FAF2: variants seen among roughly 807,000 people sequenced by gnomAD.
FAF2 encodes Fas associated factor family member 2, also known as FAS-associated factor 2.
A neutral mutation model predicts 62.3 loss-of-function variants in FAF2; 9 were observed. The observed-to-expected ratio is 0.14, with a 90% CI of 0.09 to 0.25. The LOEUF (loss-of-function observed/expected upper bound fraction) is 0.25, where lower values mean the gene tolerates loss of function less well. FAF2 is among the 10% of genes least tolerant of loss of function. The probability of loss-of-function intolerance (pLI) is 1.00; values close to 1 mark genes in which losing one functional copy is unlikely to be tolerated. For missense variants in FAF2, 368 were observed against 556.2 expected, an observed-to-expected ratio of 0.66 and a Z score of 3.40; for synonymous variants, 202 against 198.0, an observed-to-expected ratio of 1.02 and a Z score of -0.17.
chr5:176,498,966 C>G lies in FAF2; in HGVS notation c.892C>G (p.Leu298Val), dbSNP rs754481168. The part of the protein sequence containing the change: ...VLRQQQDEAY[L>V]ASLRADQEKE... ...GAGACAACAGCAGGATGAGGCCTAC[C>G]TGGCCTCTCTCAGAGCTGACCAGGA... The change falls in exon 9 of 11, where the codon CTG becomes GTG. Residue 298 changes from leucine (L) to valine (V), a missense_variant. This residue lies in a region of FAF2 where 331 missense variants were observed against 441.9 expected (regional missense o/e 0.75). Coordinates refer to ENST00000261942, the MANE Select transcript of FAF2 (RefSeq NM_014613.3). 6.2e-7 allele frequency: 1 copy of G among 1,612,842 alleles called. No individual in the cohort carries two copies. The highest frequency in any genetic ancestry group is 1.7e-5 in the Admixed American group (1 of 59,962).
intron 1 of FAF2, among the ~76,000 whole-genome samples, chr5:176,471,684 CT>C (rs70991555): frequency 0.7 from 86,170 of 122,470 alleles, 29,740 homozygotes; most frequent in Middle Eastern, 0.74. Flanking sequence ...CGCCCGGCCT[CT>C]TTTTTTTTTT....
rs564409908 is a variant in FAF2 at position 176,453,917 on chromosome 5, G to A, written c.63+5447G>A. On this transcript the variant is annotated intron_variant, in intron 1 of 10. Coordinates refer to ENST00000261942, the MANE Select transcript of FAF2 (RefSeq NM_014613.3). Reference sequence around the variant, plus strand: ...AAAAATACAAAAAAATTAGCTGGGCGTCGTGTCAGGTGCCCATAATCCCAG... The same window carrying A: ...AAAAATACAAAAAAATTAGCTGGGCATCGTGTCAGGTGCCCATAATCCCAG... 3.2e-4 allele frequency among the ~76,000 whole-genome samples: 48 copies of A among 151,056 alleles called. 2 individuals are homozygous for A. The highest frequency in any genetic ancestry group is 1.0e-3 in the South Asian group (5 of 4,780).
chr5:176,487,060 G>A (rs1478752698), intron 3 of FAF2, among the ~76,000 whole-genome samples: 2 of 152,002 alleles, frequency 1.3e-5, no homozygotes, highest in African/African-American at 4.8e-5. Flanking sequence ...CTTACCCCTG[G>A]GGTTATACTC....
intron 1 of FAF2, among the ~76,000 whole-genome samples, chr5:176,478,411 T>C (rs1758737747): frequency 6.6e-6 from 1 of 151,890 alleles, no homozygotes; most frequent in African/African-American, 2.4e-5. Context: ...TCTGGGAAGT[T>C]GAGACTGCAG....
chr5:176,455,315 C>T (rs1758261955), intron 1 of FAF2, among the ~76,000 whole-genome samples: 1 of 151,856 alleles, frequency 6.6e-6, no homozygotes, highest in African/African-American at 2.4e-5. Context: ...GTGGCGCATG[C>T]CTGTGGGCCT....
At chr5:176,474,121 A>C (rs1250463198) in intron 1 of FAF2, among the ~76,000 whole-genome samples, 1 of 152,202 alleles carries the variant, frequency 6.6e-6, no homozygotes, top group Non-Finnish European at 1.5e-5. Flanking sequence ...TATGTATACT[A>C]AACTAAGTTT....
Position 176,496,765 on chromosome 5 carries a change from C to T in FAF2, c.839+102C>T, listed in dbSNP as rs1004664729. On this transcript the variant is annotated intron_variant, in intron 8 of 10. Transcript: ENST00000261942. The stretch of plus-strand genomic sequence containing the variant: ...TCCTGACTTCTTCTGTGCATCAGGC[C>T]GCTATTAGCTTTTAGCTTTGCCCAT... The T allele has an allele frequency of 4.6e-5, 40 of 870,746 alleles. 1 individual carries two copies. The highest frequency in any genetic ancestry group is 4.0e-4 in the East Asian group (14 of 34,632). The allele number at this position is 870,746 out of a possible 1,614,324, so 53.9% of individuals were successfully genotyped here. A position where few individuals can be genotyped will look rare whatever the true frequency, so the allele number is the denominator to read the frequency against.
In FAF2 at chr5:176,448,426, C is replaced by G; in HGVS notation, c.19C>G (p.Arg7Gly). 1.2e-6 allele frequency: 2 copies of G among 1,607,268 alleles called. No individual in the cohort carries two copies. The highest frequency in any genetic ancestry group is 1.1e-5 in the South Asian group (1 of 90,012). Reference protein sequence around the residue: MAAPEERDLTQEQTEKL... With the variant: MAAPEEGDLTQEQTEKL... The stretch of plus-strand genomic sequence containing the variant: ...CGGCAAAATGGCGGCGCCTGAGGAG[C>G]GGGATCTAACCCAGGAGCAGACAGA... The change falls in exon 1 of 11, where the codon CGG (arginine) becomes GGG (glycine). Residue 7 changes from arginine (R) to glycine (G), a missense_variant. By Grantham distance (125) the Arg-to-Gly change is moderately radical (BLOSUM62 -2). Coordinates refer to ENST00000261942, the MANE Select transcript of FAF2 (RefSeq NM_014613.3).
intron 10 of FAF2, among the ~76,000 whole-genome samples, chr5:176,503,009 T>C (rs1445768039): frequency 2.6e-5 from 4 of 151,526 alleles, no homozygotes; most frequent in African/African-American, 7.3e-5. Context: ...GACTGCGCCA[T>C]TGCACTCCAG....
In FAF2 at chr5:176,506,690, TG is replaced by T. The variant is rs1561830561; in HGVS notation, c.1156-77del. 8.3e-4 allele frequency: 961 copies of T among 1,155,136 alleles called. 13 individuals carry two copies. The East Asian group carries it at 0.022, about 26-fold the overall frequency. 71.6% of individuals were successfully genotyped at this position (1,155,136 alleles called of 1,614,324 possible). ...GTTGGGGTATATTTGACTTCAGAGT[TG>T]TGTGTGCGTGTGTGCGTGTGTGTGT... On this transcript the variant is annotated intron_variant, in intron 10 of 10. Coordinates refer to ENST00000261942, the MANE Select transcript of FAF2 (RefSeq NM_014613.3).
intron 1 of FAF2, among the ~76,000 whole-genome samples, chr5:176,454,710 T>G (rs1255446847): frequency 6.6e-6 from 1 of 152,232 alleles, no homozygotes; most frequent in Non-Finnish European, 1.5e-5. Context: ...CCAGGTTTGT[T>G]GTTTATCTTT....
chr5:176,505,814 A>G (rs1292023062), intron 10 of FAF2, among the ~76,000 whole-genome samples: 3 of 152,192 alleles, frequency 2.0e-5, no homozygotes, highest in African/African-American at 4.8e-5. Flanking sequence ...ATGGCTGAGA[A>G]GTATTCCATC....
intron 10 of FAF2, among the ~76,000 whole-genome samples, chr5:176,503,487 G>A (rs2913902): frequency 0.5 from 75,055 of 151,258 alleles, 18,696 homozygotes; most frequent in Non-Finnish European, 0.52. Flanking sequence ...CCTGGGAGGC[G>A]GAGGTTGCAG....
chr5:176,496,929 A>C (rs190958416), intron 8 of FAF2: 1 of 233,352 alleles, frequency 4.3e-6, no homozygotes, highest in African/African-American at 2.2e-5. Context: ...AGGCTGAGGC[A>C]GGAGGATTAC....
chr5:176,452,693 T>C (rs377197974), intron 1 of FAF2, among the ~76,000 whole-genome samples: 9 of 152,330 alleles, frequency 5.9e-5, no homozygotes, highest in African/African-American at 2.2e-4. Context: ...GGTGATGAAC[T>C]GAAGAGTATT....
chr5:176,496,043 C>T (rs1296445077), intron 7 of FAF2, among the ~76,000 whole-genome samples: 1 of 152,102 alleles, frequency 6.6e-6, no homozygotes, highest in African/African-American at 2.4e-5. Context: ...CTTTTTGTAC[C>T]ATCAAGTAGA....
At chr5:176,493,505 T>C (rs867300783) in intron 5 of FAF2, among the ~76,000 whole-genome samples, 2 of 152,226 alleles carry the variant, frequency 1.3e-5, no homozygotes, top group Non-Finnish European at 2.9e-5. Context: ...CACCCTATGC[T>C]CTTTAGAATG....
intron 5 of FAF2, among the ~76,000 whole-genome samples, chr5:176,493,515 G>T (rs1440375611): frequency 1.3e-5 from 2 of 152,266 alleles, no homozygotes; most frequent in African/African-American, 2.4e-5. Context: ...TCTTTAGAAT[G>T]CCTTTGGATC....
At chr5:176,481,369 A>G (rs571949607) in intron 2 of FAF2, among the ~76,000 whole-genome samples, 1 of 152,124 alleles carries the variant, frequency 6.6e-6, no homozygotes, top group East Asian at 2.0e-4. Flanking sequence ...TCTAAGAGAC[A>G]GGGTTGGGCC....
Sources: allele counts gnomAD v4.1 joint callset (sites outside exome capture counted in the v4.1 genomes callset), GRCh38; gene constraint gnomAD v4.1.1; regional missense constraint gnomAD v4.1.1; transcripts MANE v1.5; gene names NCBI Gene and HGNC (gene_info 2026-07-23, HGNC 2026-07-21).